The following STRIP1 variants were observed in gnomAD, a reference collection of about 807,000 sequenced individuals.
STRIP1 encodes the protein striatin interacting protein 1.
Under a neutral mutation model 106.2 loss-of-function variants are expected in STRIP1, and 63 were observed. That is an observed-to-expected ratio of 0.59 (90% CI 0.48 to 0.73). The LOEUF is 0.73. STRIP1 is among the 30% of genes least tolerant of loss of function. STRIP1 has a pLI of 0.00. For synonymous variants in STRIP1, 390 were observed against 413.0 expected, an observed-to-expected ratio of 0.94 and a Z score of 0.67; for missense variants, 857 against 1,074.8, an observed-to-expected ratio of 0.80 and a Z score of 2.83.
chr1:110,054,141 A>G lies in STRIP1; in HGVS notation c.*229A>G, dbSNP rs1336312980. The G allele has an allele frequency of 3.7e-6, 2 of 541,626 alleles. No homozygotes were observed. Among genetic ancestry groups the G allele is most frequent in the Non-Finnish European group, 6.6e-6 (2 of 302,668 alleles). The allele number at this position is 541,626 out of a possible 1,614,324, so 33.6% of individuals were successfully genotyped here. ...TCTGCCTGAGATCCATTCTTCCTTT[A>G]CTTCCCCCACCCTCCTCTCTTGGAT... On this transcript the variant is annotated 3_prime_UTR_variant, in exon 21 of 21. Coordinates refer to ENST00000369795, the MANE Select transcript of STRIP1 (RefSeq NM_033088.4).
intron 15 of STRIP1, chr1:110,048,108 T>G: frequency 2.0e-6 from 1 of 492,360 alleles, no homozygotes; most frequent in South Asian, 2.4e-5. Flanking sequence ...CTGAGTGAAT[T>G]GGGGAAAGTC....
chr1:110,034,111 A>G (rs892753114), upstream of STRIP1, among the ~76,000 whole-genome samples: 3 of 152,142 alleles, frequency 2.0e-5, no homozygotes, highest in East Asian at 1.9e-4. Context: ...TTATTTCTCT[A>G]TATTTGTCTA....
At chr1:110,047,509 G>T (rs1463186451) in intron 13 of STRIP1, 33 bp from the exon 14 acceptor site, 1 of 1,567,604 alleles carries the variant, frequency 6.4e-7, no homozygotes, top group South Asian at 1.1e-5. Context: ...ATTCTGGGCT[G>T]GGGTTTTATG....
chr1:110,038,019 AAATT>A, intron 2 of STRIP1, 59 bp downstream of exon 2: 1 of 1,010,384 alleles, frequency 9.9e-7, no homozygotes, highest in East Asian at 2.5e-5. Flanking sequence ...GTCTTTAATA[AAATT>A]AATAATGAAT....
rs371713394 is a variant in STRIP1, at chr1:110,043,093, G to A, written c.891G>A (p.Thr297=). ...LLLLWKTVLC[T]LGGFEELQSM... ...CTTCCCTGTCTGTGATGCAGTGCAC[G>A]CTAGGCGGCTTTGAGGAGCTGCAGA... The change falls in exon 9 of 21, where the codon ACG becomes ACA. Residue 297 remains threonine, a synonymous_variant. Coordinates refer to ENST00000369795, the MANE Select transcript of STRIP1 (RefSeq NM_033088.4). 254 of 1,611,136 alleles carry A rather than the reference G, an allele frequency of 1.6e-4. No individual in the cohort carries two copies. Among genetic ancestry groups the A allele is most frequent in the Non-Finnish European group, 1.9e-4 (220 of 1,178,912 alleles).
At chr1:110,043,337 C>A in intron 9 of STRIP1, 67 bp downstream of exon 9, 2 of 1,483,082 alleles carry the variant, frequency 1.3e-6, no homozygotes, top group Non-Finnish European at 1.8e-6. Context: ...GCAGCACAGT[C>A]CTTGGAGGAG....
chr1:110,043,506 TTGA>T, intron 9 of STRIP1, 130 bp from the exon 10 acceptor site: 2 of 915,876 alleles, frequency 2.2e-6, no homozygotes, highest in Non-Finnish European at 3.4e-6. Flanking sequence ...GGCCCCCGTC[TTGA>T]CTCCCACTGT....
At position 110,043,650 on chromosome 1, in the gene STRIP1, G is replaced by A. The variant is rs2101774551; in HGVS notation, c.1080G>A (p.Lys360=). 6.2e-7 allele frequency: 1 copy of A among 1,613,816 alleles called. No individual in the cohort carries two copies. Among genetic ancestry groups the A allele is most frequent in the African/African-American group, 1.3e-5 (1 of 75,038 alleles). The change falls in exon 10 of 21, where the codon AAG becomes AAA. Residue 360 remains lysine, a synonymous_variant. Transcript: ENST00000369795. ...TTCCCTGGTTTCAGGCTCTGATAAA[G>A]CAGGACAACCTAGATGCCTTCAACG... is the stretch of plus-strand genomic sequence containing the variant. ...RGRREHKALI[K]QDNLDAFNER...
At chr1:110,040,182 G>T (rs1324450611) in intron 5 of STRIP1, among the ~76,000 whole-genome samples, 1 of 151,634 alleles carries the variant, frequency 6.6e-6, no homozygotes, top group African/African-American at 2.4e-5. Flanking sequence ...TGTTTTTTTT[G>T]TTTTTGTTTT....
At chr1:110,038,030 G>A (rs1440246930) in intron 2 of STRIP1, 70 bp downstream of exon 2, 1 of 816,562 alleles carries the variant, frequency 1.2e-6, no homozygotes, top group East Asian at 2.9e-5. Context: ...AATTAATAAT[G>A]AATATCATTT....
Position 110,041,649 on chromosome 1 carries a change from CCCTGGGGAT to C in STRIP1, c.757+11_757+19del. ...ACCTTCAGAGCCGAGCTGGGTAGGA[CCCTGGGGAT>C]CCTCTCTAGAGGCCCTGCCTGGAAG... is the stretch of plus-strand genomic sequence containing the variant. On this transcript the variant is annotated splice_region_variant and intron_variant, in intron 7 of 20. Transcript: ENST00000369795. 4 of 1,614,030 alleles carry C rather than the reference CCCTGGGGAT, an allele frequency of 2.5e-6. No individual in the cohort carries two copies. The highest frequency in any genetic ancestry group is 3.4e-6 in the Non-Finnish European group (4 of 1,179,984).
Position 110,040,635 on chromosome 1 carries a change from C to T in STRIP1, c.582C>T (p.Asp194=), listed in dbSNP as rs1441594118. Residue 194 remains aspartate, a splice_region_variant and synonymous_variant, in exon 6 of 21, where the codon GAC becomes GAT. Coordinates refer to ENST00000369795, the MANE Select transcript of STRIP1 (RefSeq NM_033088.4). ...TGCTGACTCTCAAAATCTCCTGCAG[C>T]AACAGTGCCGCCTGCAGCAGTGCTG... ...ALVELLNMEI[D]NSAACSSAVR... The T allele has an allele frequency of 6.2e-7, 1 of 1,610,782 alleles. No individual in the cohort carries two copies. Among genetic ancestry groups the T allele is most frequent in the Non-Finnish European group, 8.5e-7 (1 of 1,178,420 alleles).
At chr1:110,047,919 A>G in intron 15 of STRIP1, 50 bp downstream of exon 15, 1 of 1,443,206 alleles carries the variant, frequency 6.9e-7, no homozygotes, top group Non-Finnish European at 9.5e-7. Flanking sequence ...ATAGATGGAG[A>G]AGGGCAAACA....
Position 110,043,690 on chromosome 1 carries a change from A to C in STRIP1, c.1120A>C (p.Lys374Gln). The C allele has an allele frequency of 6.2e-7, 1 of 1,614,106 alleles. No homozygotes were observed. ...TGCCTTCAACGAGCGGGATCCCTAC[A>C]AGGCTGATGACTCTCGAGAAGAGGA... ...LDAFNERDPY[K>Q]ADDSREEEEE... The change falls in exon 10 of 21, where the codon AAG (lysine) becomes CAG (glutamine). Residue 374 changes from lysine (K) to glutamine (Q), a missense_variant. Lys to Gln is a moderately conservative substitution (Grantham distance 53). Coordinates refer to ENST00000369795, the MANE Select transcript of STRIP1 (RefSeq NM_033088.4).
In STRIP1 at chr1:110,039,521, C is replaced by T; in HGVS notation, c.581+6C>T. The stretch of plus-strand genomic sequence containing the variant: ...CTTCTGAACATGGAAATAGAGTGAG[C>T]ATTTTTGAGAGGCTGAGTAGGGAAG... On this transcript the variant is annotated splice_donor_region_variant and intron_variant, in intron 5 of 20. Transcript: ENST00000369795. 6.3e-7 allele frequency: 1 copy of T among 1,595,362 alleles called. No individual in the cohort carries two copies. The highest frequency in any genetic ancestry group is 8.5e-7 in the Non-Finnish European group (1 of 1,170,886).
In STRIP1 at chr1:110,053,809, G is replaced by A; in HGVS notation, c.2411G>A (p.Gly804Asp). Residue 804 changes from glycine (G) to aspartate (D), a missense_variant, in exon 21 of 21, where the codon GGC becomes GAC. Transcript: ENST00000369795. ...GACAACTGCCTGCAGAGTGTCCTGG[G>A]CCAACGGGTGGACCTCCCTGAGGAC... Reference protein sequence around the residue: ...PVDNCLQSVLGQRVDLPEDFQ... With the variant: ...PVDNCLQSVLDQRVDLPEDFQ... 1 of 1,614,168 alleles carries A rather than the reference G, an allele frequency of 6.2e-7. No homozygotes were observed. The highest frequency in any genetic ancestry group is 8.5e-7 in the Non-Finnish European group (1 of 1,180,030).
Position 110,041,788 on chromosome 1 carries a change from C to A in STRIP1, c.812C>A (p.Thr271Asn), listed in dbSNP as rs779472272. The change falls in exon 8 of 21, where the codon ACC becomes AAC. Residue 271 changes from threonine (T) to asparagine (N), a missense_variant. Coordinates refer to ENST00000369795, the MANE Select transcript of STRIP1 (RefSeq NM_033088.4). Reference sequence around the variant, plus strand: ...GCCATCATGCTGTTTGGGATGGTGACCAAATTTTGCAGTGGTCACGCCCCT... The same window carrying A: ...GCCATCATGCTGTTTGGGATGGTGAACAAATTTTGCAGTGGTCACGCCCCT... The part of the protein sequence containing the change: ...PFAIMLFGMV[T>N]KFCSGHAPHF... 9 of 1,613,994 alleles carry A rather than the reference C, an allele frequency of 5.6e-6. No homozygotes were observed. The highest frequency in any genetic ancestry group is 6.8e-6 in the Non-Finnish European group (8 of 1,180,034).
intron 13 of STRIP1, among the ~76,000 whole-genome samples, chr1:110,047,047 C>CA (rs957253846): frequency 6.7e-5 from 10 of 149,438 alleles, no homozygotes; most frequent in South Asian, 2.1e-4. Flanking sequence ...GAGACCATCT[C>CA]AAAAAAAAAA....
chr1:110,039,251 C>T lies in STRIP1; in HGVS notation c.405C>T (p.Val135=). The T allele has an allele frequency of 1.2e-6, 2 of 1,614,200 alleles. No homozygotes were observed. Among genetic ancestry groups the T allele is most frequent in the African/African-American group, 1.3e-5 (1 of 75,046 alleles). Residue 135 remains valine, a synonymous_variant, in exon 4 of 21, where the codon GTC becomes GTT. Coordinates refer to ENST00000369795, the MANE Select transcript of STRIP1 (RefSeq NM_033088.4). ...TGAGGCTCCTGGATGGCTTGGAAGTCACTGCCAGGGAGAAGAGACTCAAGG... is the reference window on the plus strand; with the variant it reads ...TGAGGCTCCTGGATGGCTTGGAAGTTACTGCCAGGGAGAAGAGACTCAAGG... ...HAMRLLDGLE[V]TAREKRLKVA...
Sources: allele counts gnomAD v4.1 joint callset (sites outside exome capture counted in the v4.1 genomes callset), GRCh38; gene constraint gnomAD v4.1.1; transcripts MANE v1.5; gene names NCBI Gene and HGNC (gene_info 2026-07-23, HGNC 2026-07-21).